Variants in ATRN observed in about 807,000 individuals in gnomAD.
ATRN encodes the protein attractin, also known as attractin-2.
Under a neutral mutation model 178.7 loss-of-function variants are expected in ATRN, and 54 were observed. That is an observed-to-expected ratio of 0.30 (90% CI 0.24 to 0.38). The LOEUF (loss-of-function observed/expected upper bound fraction) is 0.38, where lower values mean the gene tolerates loss of function less well. Among genes scored for constraint, ATRN ranks in the 10% least tolerant of loss-of-function variants. ATRN has a pLI of 1.00. For missense variants in ATRN, 1,443 were observed against 1,815.1 expected, an observed-to-expected ratio of 0.79 and a Z score of 3.73; for synonymous variants, 636 against 663.0, an observed-to-expected ratio of 0.96 and a Z score of 0.63.
intron 25 of ATRN, 148 bp from the exon 26 acceptor site, chr20:3,634,163 A>C: frequency 1.5e-6 from 1 of 645,922 alleles, no homozygotes; most frequent in Non-Finnish European, 2.7e-6. Context: ...TTACCTCCTG[A>C]GCCGGCACAT....
intron 19 of ATRN, chr20:3,592,525 C>CT (rs972078838): frequency 2.1e-6 from 2 of 961,892 alleles, no homozygotes; most frequent in African/African-American, 1.8e-5. Context: ...TAATGAACTG[C>CT]TTTTTTTATT....
At chr20:3,489,720 C>A in intron 1 of ATRN, 1 of 1,577,410 alleles carries the variant, frequency 6.3e-7, no homozygotes, top group Non-Finnish European at 8.7e-7. Flanking sequence ...GTTTGGGATG[C>A]CCAAACACCT....
chr20:3,572,708 C>A lies in ATRN; in HGVS notation c.1872-23C>A, dbSNP rs182349605. Reference sequence around the variant, plus strand: ...TGTTATCTGAGTCTCTAGTAAATTTCTTCTCTCCCTTTTTCCTCTTAGCAC... The same window carrying A: ...TGTTATCTGAGTCTCTAGTAAATTTATTCTCTCCCTTTTTCCTCTTAGCAC... On this transcript the variant is annotated intron_variant, in intron 11 of 28. Coordinates refer to ENST00000262919, the MANE Select transcript of ATRN (RefSeq NM_139321.3). The A allele has an allele frequency of 1.5e-3, 2,336 of 1,578,386 alleles. 41 individuals are homozygous for A. The highest frequency in any genetic ancestry group is 1.5e-4 in the Non-Finnish European group (168 of 1,154,082).
intron 11 of ATRN, among the ~76,000 whole-genome samples, chr20:3,570,702 C>T (rs1307305864): frequency 6.6e-6 from 1 of 152,118 alleles, no homozygotes; most frequent in Non-Finnish European, 1.5e-5. Flanking sequence ...TTCTTTTCTT[C>T]CCAGTATAAC....
intron 1 of ATRN, among the ~76,000 whole-genome samples, chr20:3,533,643 A>G (rs2085484689): frequency 6.6e-6 from 1 of 151,966 alleles, no homozygotes; most frequent in Non-Finnish European, 1.5e-5. Flanking sequence ...ATAGAACAGC[A>G]TTAGGTCCCT....
chr20:3,532,975 G>A (rs1345379318), intron 1 of ATRN, among the ~76,000 whole-genome samples: 1 of 152,098 alleles, frequency 6.6e-6, no homozygotes, highest in Non-Finnish European at 1.5e-5. Flanking sequence ...TGTTAGCCAG[G>A]ATGGTCTCGA....
At chr20:3,504,006 A>T (rs1422782310) in intron 1 of ATRN, among the ~76,000 whole-genome samples, 2 of 152,200 alleles carry the variant, frequency 1.3e-5, no homozygotes, top group African/African-American at 4.8e-5. Context: ...TTCAAATGGC[A>T]GTAGATTTCT....
At chr20:3,487,584 A>G (rs1389269556) in intron 1 of ATRN, among the ~76,000 whole-genome samples, 4 of 152,292 alleles carry the variant, frequency 2.6e-5, no homozygotes, top group South Asian at 2.1e-4. Flanking sequence ...ATTTTTGTTC[A>G]TGGTACATTG....
intron 10 of ATRN, 135 bp downstream of exon 10, chr20:3,563,498 T>A (rs2085983712): frequency 1.1e-6 from 1 of 893,708 alleles, no homozygotes; most frequent in African/African-American, 1.7e-5. Flanking sequence ...GTATTTTTTA[T>A]ATTCATTTGA....
intron 11 of ATRN, among the ~76,000 whole-genome samples, chr20:3,569,807 A>G (rs961213484): frequency 1.3e-5 from 2 of 152,334 alleles, no homozygotes; most frequent in East Asian, 3.9e-4. Flanking sequence ...GTGGTGGCTC[A>G]CGCCTGTAAT....
rs767508779 is a variant in ATRN, at chr20:3,547,469, C to T, written c.923C>T (p.Ser308Phe). 6.2e-7 allele frequency: 1 copy of T among 1,613,734 alleles called. No homozygotes were observed. The highest frequency in any genetic ancestry group is 1.3e-5 in the African/African-American group (1 of 74,912). ...AATTCAAGTGATGTCAGAGGATGCT[C>T]CTGCTTCTCAGACTGGCAGGGTAGG... ...ICNSSDVRGC[S>F]CFSDWQGPGC... Residue 308 changes from serine to phenylalanine, a missense_variant, in exon 5 of 29, where the codon TCC becomes TTC. Transcript: ENST00000262919.
At chr20:3,474,446 CACCT>C (rs1389937926) in intron 1 of ATRN, among the ~76,000 whole-genome samples, 2 of 152,162 alleles carry the variant, frequency 1.3e-5, no homozygotes, top group East Asian at 1.9e-4. Flanking sequence ...TGGTGGCTAA[CACCT>C]GTAATCCCAG....
Position 3,547,446 on chromosome 20 carries a change from T to C in ATRN, c.900T>C (p.Asn300=). Residue 300 remains asparagine, a synonymous_variant, in exon 5 of 29, where the codon AAT becomes AAC. Coordinates refer to ENST00000262919, the MANE Select transcript of ATRN (RefSeq NM_139321.3). Reference sequence around the variant, plus strand: ...GTTTTCCTCATCGAGGCATCTGCAATTCAAGTGATGTCAGAGGATGCTCCT... The same window carrying C: ...GTTTTCCTCATCGAGGCATCTGCAACTCAAGTGATGTCAGAGGATGCTCCT... ...NCGFPHRGIC[N]SSDVRGCSCF... 6.2e-7 allele frequency: 1 copy of C among 1,614,186 alleles called. No homozygotes were observed. The highest frequency in any genetic ancestry group is 1.1e-5 in the South Asian group (1 of 91,084).
intron 1 of ATRN, among the ~76,000 whole-genome samples, chr20:3,528,999 A>G (rs1394669424): frequency 6.6e-6 from 1 of 152,054 alleles, no homozygotes; most frequent in African/African-American, 2.4e-5. Flanking sequence ...GTTTTTGTAG[A>G]GACTAGGTTT....
chr20:3,489,223 T>C (rs1600017040), intron 1 of ATRN, among the ~76,000 whole-genome samples: 2 of 152,186 alleles, frequency 1.3e-5, no homozygotes, highest in Admixed American at 1.3e-4. Context: ...GGCCTCCCAA[T>C]GTGCTGGCAT....
intron 1 of ATRN, among the ~76,000 whole-genome samples, chr20:3,474,377 A>C (rs2084482165): frequency 6.6e-6 from 1 of 152,140 alleles, no homozygotes; most frequent in African/African-American, 2.4e-5. Flanking sequence ...ATTTTTAAAA[A>C]TGAAAGTAGG....
At chr20:3,608,927 A>T (rs1294688447) in intron 24 of ATRN, among the ~76,000 whole-genome samples, 1 of 151,112 alleles carries the variant, frequency 6.6e-6, no homozygotes, top group Non-Finnish European at 1.5e-5. Context: ...AGATTACGCC[A>T]CTACATTCTA....
intron 24 of ATRN, among the ~76,000 whole-genome samples, chr20:3,618,533 A>G (rs2086870376): frequency 6.6e-6 from 1 of 152,228 alleles, no homozygotes; most frequent in Non-Finnish European, 1.5e-5. Flanking sequence ...GTGTGATAGA[A>G]TAGGAATTCT....
intron 24 of ATRN, among the ~76,000 whole-genome samples, chr20:3,608,162 G>A (rs892049438): frequency 6.6e-6 from 1 of 152,136 alleles, no homozygotes; most frequent in African/African-American, 2.4e-5. Flanking sequence ...TCTATAAGCT[G>A]TCTCTTCACT....
Sources: gnomAD v4.1 joint callset for allele counts (sites outside exome capture counted in the v4.1 genomes callset) on GRCh38, gnomAD v4.1.1 for gene constraint, MANE v1.5 for transcripts, NCBI Gene and HGNC (gene_info 2026-07-23, HGNC 2026-07-21) for gene names.